The following GPHN variants were observed in gnomAD, a reference collection of about 807,000 sequenced individuals.
The protein encoded by GPHN is gephyrin.
A neutral mutation model predicts 95.5 loss-of-function variants in GPHN; 17 were observed. The ratio of observed to expected loss-of-function variants is 0.18; its 90% CI spans 0.12 to 0.27. GPHN has a LOEUF of 0.27. GPHN is among the 10% of genes least tolerant of loss of function. The pLI is 1.00. For synonymous variants in GPHN, 320 were observed against 322.5 expected, an observed-to-expected ratio of 0.99 and a Z score of 0.08; for missense variants, 660 against 978.1, an observed-to-expected ratio of 0.67 and a Z score of 4.34.
At chr14:67,663,186 C>A in the GPHN span, 1 of 1,528,964 alleles carries the variant, frequency 6.5e-7, no homozygotes, top group Non-Finnish European at 8.8e-7. Flanking sequence ...AATTACTAAT[C>A]TCCCCTTTGA....
At chr14:67,728,081 G>C in the GPHN span, 1 of 152,150 alleles carries the variant, frequency 6.6e-6, no homozygotes, top group Non-Finnish European at 1.5e-5. Flanking sequence ...AGGTCAGGCT[G>C]GTTCTTATTC....
the GPHN span, chr14:67,569,985 T>C: frequency 1.0e-5 from 16 of 1,606,464 alleles, no homozygotes; most frequent in Admixed American, 1.7e-4. Context: ...AGAATGTCAC[T>C]GTGCCTGTCT....
chr14:67,466,948 T>C, the GPHN span, among the ~76,000 whole-genome samples: 74 of 134,152 alleles, frequency 5.5e-4, no homozygotes, highest in Admixed American at 5.3e-3. Flanking sequence ...TGAGCCGAGA[T>C]CGCGCCACTG....
chr14:66,912,808 C>T (rs904485867), intron 5 of GPHN, among the ~76,000 whole-genome samples: 1 of 152,110 alleles, frequency 6.6e-6, no homozygotes. Context: ...CTAGATTATA[C>T]TGTACCTTAT....
chr14:66,702,498 C>T (rs963679280), intron 2 of GPHN, among the ~76,000 whole-genome samples: 8 of 152,080 alleles, frequency 5.3e-5, no homozygotes, highest in East Asian at 1.9e-4. Flanking sequence ...GATGTGAGAG[C>T]GAACCAAATG....
At chr14:67,623,532 A>C in the GPHN span, among the ~76,000 whole-genome samples, 1 of 124,746 alleles carries the variant, frequency 8.0e-6, no homozygotes, top group Non-Finnish European at 1.6e-5. Flanking sequence ...CTCTCAGGTA[A>C]CCTTTTTTTT....
intron 2 of GPHN, among the ~76,000 whole-genome samples, chr14:66,752,236 CTT>C (rs1174252563): frequency 6.6e-6 from 1 of 152,096 alleles, no homozygotes; most frequent in Non-Finnish European, 1.5e-5. Flanking sequence ...CTTTCTCTCT[CTT>C]GTCATTTGTG....
intron 2 of GPHN, among the ~76,000 whole-genome samples, chr14:66,759,113 G>T (rs770626787): frequency 6.6e-6 from 1 of 152,152 alleles, no homozygotes; most frequent in Non-Finnish European, 1.5e-5. Flanking sequence ...TTTAAAATTG[G>T]CTTTGATGGA....
At chr14:67,392,578 T>A in the GPHN span, 1 of 1,344,646 alleles carries the variant, frequency 7.4e-7, no homozygotes, top group Non-Finnish European at 1.1e-6. Flanking sequence ...TCTCCTCCCA[T>A]GACTGTGGCC....
chr14:67,200,373 G>C, the GPHN span: 2 of 621,142 alleles, frequency 3.2e-6, no homozygotes, highest in African/African-American at 2.0e-5. Flanking sequence ...ATATCTTTTC[G>C]ATACCTTGGA....
the GPHN span, among the ~76,000 whole-genome samples, chr14:67,302,888 C>G: frequency 6.6e-6 from 1 of 152,104 alleles, no homozygotes; most frequent in Non-Finnish European, 1.5e-5. Context: ...AGTAACAAAA[C>G]AAAGTCTGTG....
the GPHN span, chr14:67,312,028 T>C: frequency 4.6e-5 from 7 of 152,646 alleles, no homozygotes; most frequent in African/African-American, 1.7e-4. Context: ...GTGTACCTTT[T>C]CTAGTAGCTG....
intron 6 of GPHN, among the ~76,000 whole-genome samples, chr14:66,919,821 C>T (rs1473606021): frequency 1.3e-5 from 2 of 152,064 alleles, no homozygotes; most frequent in African/African-American, 4.8e-5. Flanking sequence ...AATCCCAGCA[C>T]TTTGGGAGGC....
At chr14:67,111,443 C>T (rs1367790796) in intron 14 of GPHN, among the ~76,000 whole-genome samples, 1 of 152,098 alleles carries the variant, frequency 6.6e-6, no homozygotes, top group South Asian at 2.1e-4. Context: ...TATTTGGTAA[C>T]CTTGGCATGG....
intron 11 of GPHN, among the ~76,000 whole-genome samples, chr14:67,065,102 A>G (rs1036452818): frequency 6.6e-6 from 1 of 152,198 alleles, no homozygotes; most frequent in African/African-American, 2.4e-5. Context: ...ACACTGCTTT[A>G]AATGTGTCCC....
intron 1 of GPHN, among the ~76,000 whole-genome samples, chr14:66,638,273 A>C (rs1377096684): frequency 1.3e-5 from 2 of 152,136 alleles, no homozygotes; most frequent in Admixed American, 1.3e-4. Context: ...ATCTCTACTA[A>C]AAATACAAAA....
chr14:66,689,787 T>C (rs1478827948), intron 2 of GPHN, among the ~76,000 whole-genome samples: 2 of 152,138 alleles, frequency 1.3e-5, no homozygotes. Flanking sequence ...TCCAGGACCA[T>C]TTCTGCTAGG....
At chr14:67,334,788 A>C in the GPHN span, 1 of 152,234 alleles carries the variant, frequency 6.6e-6, no homozygotes, top group African/African-American at 2.4e-5. Context: ...TTAGCATTAA[A>C]AACTAAGGAA....
chr14:67,308,504 C>A, the GPHN span, among the ~76,000 whole-genome samples: 1 of 151,114 alleles, frequency 6.6e-6, no homozygotes, highest in South Asian at 2.1e-4. Flanking sequence ...AATATAGATC[C>A]TGAGTTTTAG....
Sources: allele counts gnomAD v4.1 joint callset (sites outside exome capture counted in the v4.1 genomes callset), GRCh38; gene constraint gnomAD v4.1.1; transcripts MANE v1.5; gene names NCBI Gene and HGNC (gene_info 2026-07-23, HGNC 2026-07-21).